Variants in SLC24A4 observed in about 807,000 individuals in gnomAD.
The protein encoded by SLC24A4 is sodium/potassium/calcium exchanger 4.
A neutral mutation model predicts 79.0 loss-of-function variants in SLC24A4; 53 were observed. That is an observed-to-expected ratio of 0.67 (90% CI 0.54 to 0.84). The LOEUF is 0.84. Among genes scored for constraint, SLC24A4 ranks in the 40% least tolerant of loss-of-function variants. SLC24A4 has a pLI of 0.00. For missense variants in SLC24A4, 731 were observed against 822.0 expected (o/e 0.89, Z 1.35); for synonymous variants, 323 against 323.8 (o/e 1.00, Z 0.03).
intron 2 of SLC24A4, among the ~76,000 whole-genome samples, chr14:92,399,520 A>G (rs1426770948): frequency 6.6e-6 from 1 of 152,210 alleles, no homozygotes; most frequent in Non-Finnish European, 1.5e-5. Flanking sequence ...AGAAATCCGT[A>G]TTTCCTGGTG....
chr14:92,383,132 A>G (rs543070527), intron 2 of SLC24A4, among the ~76,000 whole-genome samples: 2 of 152,316 alleles, frequency 1.3e-5, no homozygotes, highest in Non-Finnish European at 2.9e-5. Flanking sequence ...ATTCGTCTTC[A>G]TAAGAGCAGA....
intron 2 of SLC24A4, among the ~76,000 whole-genome samples, chr14:92,344,875 C>G (rs982805273): frequency 6.6e-6 from 1 of 152,100 alleles, no homozygotes; most frequent in Non-Finnish European, 1.5e-5. Flanking sequence ...GCCAGCTTGC[C>G]AAGTGTCTAA....
intron 2 of SLC24A4, among the ~76,000 whole-genome samples, chr14:92,344,975 C>G (rs1886443406): frequency 6.6e-6 from 1 of 152,218 alleles, no homozygotes; most frequent in Admixed American, 6.5e-5. Context: ...TTCAGATTCT[C>G]TCTCTGCTTT....
intron 14 of SLC24A4, 33 bp downstream of exon 14, chr14:92,486,813 C>T: frequency 1.3e-6 from 2 of 1,486,196 alleles, no homozygotes; most frequent in South Asian, 1.1e-5. Flanking sequence ...CATAGTCATG[C>T]AGTGCAGGCC....
At chr14:92,425,577 C>T (rs1438432969) in intron 2 of SLC24A4, among the ~76,000 whole-genome samples, 3 of 152,242 alleles carry the variant, frequency 2.0e-5, no homozygotes, top group Non-Finnish European at 4.4e-5. Flanking sequence ...ATGGACCAGC[C>T]ATTGTCTGTT....
At chr14:92,344,831 G>A (rs1256915295) in intron 2 of SLC24A4, among the ~76,000 whole-genome samples, 1 of 152,184 alleles carries the variant, frequency 6.6e-6, no homozygotes, top group Non-Finnish European at 1.5e-5. Flanking sequence ...TCCACAAACA[G>A]GGAGGGCGGG....
chr14:92,472,252 A>T (rs534520681), intron 12 of SLC24A4, among the ~76,000 whole-genome samples: 3 of 152,212 alleles, frequency 2.0e-5, no homozygotes, highest in South Asian at 2.1e-4. Context: ...CTCTTTTTTT[A>T]AATTTTTCAT....
intron 2 of SLC24A4, among the ~76,000 whole-genome samples, chr14:92,333,610 G>C (rs549126701): frequency 1.1e-4 from 16 of 152,198 alleles, no homozygotes; most frequent in Non-Finnish European, 2.1e-4. Context: ...TGCCTGAGCT[G>C]TGTGTCCACA....
chr14:92,439,007 T>TC (rs1422609461), intron 3 of SLC24A4, among the ~76,000 whole-genome samples: 1 of 152,184 alleles, frequency 6.6e-6, no homozygotes, highest in Non-Finnish European at 1.5e-5. Context: ...TGCCCGAGGT[T>TC]CCGGGGGGTT....
chr14:92,350,020 T>C (rs1417220549), intron 2 of SLC24A4, among the ~76,000 whole-genome samples: 1 of 152,224 alleles, frequency 6.6e-6, no homozygotes. Flanking sequence ...GGGCTGACCA[T>C]GGAAGTCTTG....
intron 2 of SLC24A4, among the ~76,000 whole-genome samples, chr14:92,331,122 AC>A (rs1385156571): frequency 1.3e-5 from 2 of 152,118 alleles, no homozygotes; most frequent in Admixed American, 6.6e-5. Context: ...GTATCTGGGA[AC>A]CATACTGTTT....
At chr14:92,456,326 G>C in intron 11 of SLC24A4, 78 bp from the exon 12 acceptor site, 2 of 1,481,610 alleles carry the variant, frequency 1.3e-6, no homozygotes, top group South Asian at 2.3e-5. Flanking sequence ...CAGGGTGCGT[G>C]TGAGGGACCC....
intron 7 of SLC24A4, 59 bp downstream of exon 7, chr14:92,443,533 C>G: frequency 6.5e-7 from 1 of 1,541,742 alleles, no homozygotes; most frequent in South Asian, 1.1e-5. Context: ...AGGCACAGGA[C>G]CCCTGCCCAT....
intron 10 of SLC24A4, chr14:92,453,245 C>A (rs943411351): frequency 1.3e-5 from 2 of 152,238 alleles, no homozygotes; most frequent in Non-Finnish European, 1.5e-5. Flanking sequence ...GCTCAGCCAG[C>A]GGCTCACCGT....
chr14:92,466,716 G>A (rs1036983849), intron 12 of SLC24A4, among the ~76,000 whole-genome samples: 4 of 152,128 alleles, frequency 2.6e-5, no homozygotes, highest in African/African-American at 9.7e-5. Flanking sequence ...CCTGCCCACT[G>A]GTAAGTAGCA....
At chr14:92,343,666 T>TTCCTTCCTTCCTTCCC (rs1886347108) in intron 2 of SLC24A4, among the ~76,000 whole-genome samples, 6 of 133,942 alleles carry the variant, frequency 4.5e-5, no homozygotes, top group Non-Finnish European at 9.6e-5. Flanking sequence ...CCTTCCTTCC[T>TTCCTTCCTTCCTTCCC]TCCTTCCTTC....
At chr14:92,424,818 G>T (rs1278790806) in intron 2 of SLC24A4, among the ~76,000 whole-genome samples, 1 of 152,116 alleles carries the variant, frequency 6.6e-6, no homozygotes, top group African/African-American at 2.4e-5. Flanking sequence ...GGAGGTCAAG[G>T]CTGCAGAGAA....
At chr14:92,366,149 G>A (rs1887825538) in intron 2 of SLC24A4, among the ~76,000 whole-genome samples, 1 of 152,216 alleles carries the variant, frequency 6.6e-6, no homozygotes, top group Non-Finnish European at 1.5e-5. Flanking sequence ...GAGTGGGAAG[G>A]GATGCTGCTT....
intron 12 of SLC24A4, chr14:92,462,856 C>G (rs1162365850): frequency 6.6e-6 from 1 of 152,246 alleles, no homozygotes; most frequent in Non-Finnish European, 1.5e-5. Flanking sequence ...CTAGGATTTA[C>G]ACAATGGCCT....
Sources: gnomAD v4.1 joint callset for allele counts (sites outside exome capture counted in the v4.1 genomes callset) on GRCh38, gnomAD v4.1.1 for gene constraint, MANE v1.5 for transcripts, NCBI Gene and HGNC (gene_info 2026-07-23, HGNC 2026-07-21) for gene names.